The following SEC14L1 variants were observed in gnomAD, a reference collection of about 807,000 sequenced individuals.
SEC14L1 encodes SEC14-like protein 1.
Under a neutral mutation model 85.3 loss-of-function variants are expected in SEC14L1, and 48 were observed. The ratio of observed to expected loss-of-function variants is 0.56; its 90% CI spans 0.45 to 0.72. The LOEUF is 0.72. SEC14L1 is among the 30% of genes least tolerant of loss of function. The pLI is 0.00. For missense variants in SEC14L1, 682 were observed against 921.4 expected, an observed-to-expected ratio of 0.74 and a Z score of 3.36; for synonymous variants, 391 against 355.5, an observed-to-expected ratio of 1.10 and a Z score of -1.12.
At chr17:77,112,744 G>A (rs1972076062) in intron 3 of SEC14L1, among the ~76,000 whole-genome samples, 1 of 151,822 alleles carries the variant, frequency 6.6e-6, no homozygotes, top group African/African-American at 2.4e-5. Flanking sequence ...AAATATGGTG[G>A]GCACCTGTAG....
intron 3 of SEC14L1, among the ~76,000 whole-genome samples, chr17:77,103,862 C>T (rs1324934825): frequency 1.3e-5 from 2 of 150,554 alleles, no homozygotes; most frequent in Admixed American, 1.3e-4. Flanking sequence ...GCGGGAAGAC[C>T]GTGGATCCAG....
In SEC14L1 at chr17:77,213,220, C is replaced by T. The variant is rs1976856289; in HGVS notation, c.1864-94C>T. The T allele has an allele frequency of 1.8e-6, 2 of 1,084,184 alleles. No homozygotes were observed. The highest frequency in any genetic ancestry group is 1.6e-5 in the South Asian group (1 of 63,084). 67.2% of individuals were successfully genotyped at this position (1,084,184 alleles called of 1,614,324 possible). Reference sequence around the variant, plus strand: ...GATAGTTTCCGTAGCTACATGAAATCCTAAAGACAGTCCCCTTGGCGCTTG... The same window carrying T: ...GATAGTTTCCGTAGCTACATGAAATTCTAAAGACAGTCCCCTTGGCGCTTG... On this transcript the variant is annotated intron_variant, in intron 15 of 16. Transcript: ENST00000436233. The surrounding 1 kb of genome is among the most constrained non-coding windows in gnomAD (Gnocchi z 7.1).
Position 77,204,522 on chromosome 17 carries a change from C to CCTTTTTTTTTTTTTTTTTTTTTTTT in SEC14L1, c.1099-754_1099-753insCTTTTTTTTTTTTTTTTTTTTTTTT, listed in dbSNP as rs1555628453. On this transcript the variant is annotated intron_variant, in intron 10 of 16. Transcript: ENST00000436233. ...GGCTTGAGCCACCCTGCCCAGCCAGCTTTTTTTTTTTTTTTTTTTTTTTTT... is the reference window on the plus strand; with the variant it reads ...GGCTTGAGCCACCCTGCCCAGCCAGCCTTTTTTTTTTTTTTTTTTTTTTTTTTTTTTTTTTTTTTTTTTTTTTTTT... 3.5e-5 allele frequency among the ~76,000 whole-genome samples: 3 copies of CCTTTTTTTTTTTTTTTTTTTTTTTT among 84,728 alleles called. 1 individual carries two copies. The highest frequency in any genetic ancestry group is 1.2e-4 in the African/African-American group (3 of 25,198). 55.6% of individuals were successfully genotyped at this position (84,728 alleles called of 152,430 possible). A position where few individuals can be genotyped will look rare whatever the true frequency, so the allele number is the denominator to read the frequency against.
chr17:77,122,903 TGAGAATCACACAGCATCCAGACA>T (rs1363659813), intron 3 of SEC14L1, among the ~76,000 whole-genome samples: 5,514 of 151,530 alleles, frequency 0.036, 250 homozygotes, highest in African/African-American at 0.086. Context: ...TGCAGCAGCC[TGAGAATCACACAGCATCCAGACA>T]GAGAATCACA....
In SEC14L1 at chr17:77,201,051, C is replaced by T. The variant is rs544691883; in HGVS notation, c.1009+378C>T. ...AAGGGACTTTTCAATGACTTAAACC[C>T]TATGATAGCTTAAAACGGTTCAGCC... On this transcript the variant is annotated intron_variant, in intron 9 of 16. Coordinates refer to ENST00000436233, the MANE Select transcript of SEC14L1 (RefSeq NM_001143998.2). 1.6e-4 allele frequency among the ~76,000 whole-genome samples: 25 copies of T among 152,340 alleles called. No individual in the cohort carries two copies. The South Asian group carries it at 4.8e-3, about 29-fold the overall frequency.
At position 77,193,463 on chromosome 17, in the gene SEC14L1, G is replaced by C; in HGVS notation, c.388G>C (p.Ala130Pro). ...NEDWTCFEQS[A>P]SLDIKSFFGF... ...AGATTGGACCTGTTTTGAACAGTCT[G>C]CAAGTTTAGATATTAAATCTTTCTT... The change falls in exon 6 of 17, where the codon GCA becomes CCA. Residue 130 changes from alanine to proline, a missense_variant. Ala to Pro is a conservative substitution (Grantham distance 27). Around this residue, in one of 3 missense-constraint regions of SEC14L1, gnomAD observed 139 missense variants for 201.3 expected, o/e 0.69. Transcript: ENST00000436233. 1 of 1,612,646 alleles carries C rather than the reference G, an allele frequency of 6.2e-7. No individual in the cohort carries two copies. Among genetic ancestry groups the C allele is most frequent in the Non-Finnish European group, 8.5e-7 (1 of 1,178,950 alleles).
intron 3 of SEC14L1, among the ~76,000 whole-genome samples, chr17:77,187,061 T>C (rs1407592630): frequency 2.0e-5 from 3 of 152,156 alleles, no homozygotes; most frequent in African/African-American, 4.8e-5. Context: ...AGCACTGATA[T>C]GATGCTCAAA....
intron 3 of SEC14L1, among the ~76,000 whole-genome samples, chr17:77,178,363 A>G (rs937416779): frequency 6.6e-6 from 1 of 152,110 alleles, no homozygotes; most frequent in African/African-American, 2.4e-5. Context: ...GTTTTTTGAC[A>G]TTATTTTAAA....
chr17:77,179,521 T>A (rs761202751), intron 3 of SEC14L1, among the ~76,000 whole-genome samples: 4 of 151,324 alleles, frequency 2.6e-5, no homozygotes, highest in Non-Finnish European at 5.9e-5. Context: ...TTTATAGCAC[T>A]TTAGGATGAA....
chr17:77,178,671 A>G (rs149157548), intron 3 of SEC14L1, among the ~76,000 whole-genome samples: 287 of 152,342 alleles, frequency 1.9e-3, no homozygotes, highest in African/African-American at 6.2e-3. Flanking sequence ...CGGAGCATGC[A>G]GCTTACAGAG....
chr17:77,134,397 G>A (rs762883432), intron 3 of SEC14L1, among the ~76,000 whole-genome samples: 10 of 151,886 alleles, frequency 6.6e-5, no homozygotes, highest in Non-Finnish European at 1.2e-4. Context: ...CTATAGATGC[G>A]AGCCACCATG....
At chr17:77,098,874 T>C (rs1199539676) in intron 3 of SEC14L1, 1 of 152,220 alleles carries the variant, frequency 6.6e-6, no homozygotes, top group Non-Finnish European at 1.5e-5. Flanking sequence ...AGAGTAGATA[T>C]GTGTGTTTCA....
intron 3 of SEC14L1, among the ~76,000 whole-genome samples, chr17:77,108,804 A>T (rs896900734): frequency 1.1e-4 from 15 of 137,958 alleles, no homozygotes; most frequent in Non-Finnish European, 3.2e-5. Flanking sequence ...AAAAAAAAAA[A>T]AGAATGTATA....
At chr17:77,096,250 T>C (rs1971639844) in intron 3 of SEC14L1, among the ~76,000 whole-genome samples, 1 of 151,650 alleles carries the variant, frequency 6.6e-6, no homozygotes, top group East Asian at 1.9e-4. Flanking sequence ...GGTTAAGAAG[T>C]TGTATTTAAG....
intron 3 of SEC14L1, among the ~76,000 whole-genome samples, chr17:77,118,850 G>A (rs1972235718): frequency 6.6e-6 from 1 of 152,180 alleles, no homozygotes; most frequent in Non-Finnish European, 1.5e-5. Flanking sequence ...GATCCCAAGA[G>A]GCTTAGCATG....
chr17:77,112,853 G>A (rs1176228359), intron 3 of SEC14L1, among the ~76,000 whole-genome samples: 8 of 150,608 alleles, frequency 5.3e-5, no homozygotes, highest in African/African-American at 1.7e-4. Flanking sequence ...CAGCCTGGGC[G>A]ACAGAGCGAG....
chr17:77,210,000 G>A (rs56175041), intron 14 of SEC14L1: 3,059 of 152,392 alleles, frequency 0.02, 43 homozygotes, highest in Non-Finnish European at 0.029. Context: ...CCGCCACCAC[G>A]CCTGGCTAAT....
intron 3 of SEC14L1, among the ~76,000 whole-genome samples, chr17:77,158,493 T>A (rs1220806863): frequency 6.6e-6 from 1 of 152,216 alleles, no homozygotes. Flanking sequence ...GTCTTCAAGG[T>A]TCACCCATGT....
At chr17:77,124,224 C>T (rs1025940291) in intron 3 of SEC14L1, among the ~76,000 whole-genome samples, 2 of 152,072 alleles carry the variant, frequency 1.3e-5, no homozygotes, top group African/African-American at 4.8e-5. Flanking sequence ...AGTAGCCAGG[C>T]GTGGTGGCGT....
Sources: allele counts gnomAD v4.1 joint callset (sites outside exome capture counted in the v4.1 genomes callset), GRCh38; gene constraint gnomAD v4.1.1; regional missense constraint gnomAD v4.1.1; non-coding constraint Gnocchi (gnomAD v3.1); transcripts MANE v1.5; gene names NCBI Gene and HGNC (gene_info 2026-07-23, HGNC 2026-07-21).